TTC28: variants seen among roughly 807,000 people sequenced by gnomAD.
TTC28 encodes the protein tetratricopeptide repeat protein 28.
A neutral mutation model predicts 198.0 loss-of-function variants in TTC28; 61 were observed. That is an observed-to-expected ratio of 0.31 (90% CI 0.25 to 0.38). The LOEUF is 0.38. Among genes scored for constraint, TTC28 ranks in the 10% least tolerant of loss-of-function variants. TTC28 has a pLI of 1.00. For synonymous variants in TTC28, 1,171 were observed against 1,297.8 expected, an observed-to-expected ratio of 0.90 and a Z score of 2.10; for missense variants, 2,678 against 3,164.0, an observed-to-expected ratio of 0.85 and a Z score of 3.69.
rs529995982 is a variant in TTC28, at chr22:28,213,939, C to T, written c.934-50340G>A. 1.1e-4 allele frequency among the ~76,000 whole-genome samples: 17 copies of T among 152,188 alleles called. No individual in the cohort carries two copies. In the East Asian group the frequency reaches 3.1e-3, roughly 28 times the overall value. On this transcript the variant is annotated intron_variant, in intron 5 of 22. Transcript: ENST00000397906. ...ACTGGTACCAAAACAGAGATATAGACCAATGGAACAGAACAGAGCCCTCAG... is the reference window on the plus strand; with the variant it reads ...ACTGGTACCAAAACAGAGATATAGATCAATGGAACAGAACAGAGCCCTCAG...
At chr22:28,274,352 A>C (rs758855107) in intron 5 of TTC28, among the ~76,000 whole-genome samples, 54 of 152,230 alleles carry the variant, frequency 3.5e-4, no homozygotes, top group African/African-American at 1.3e-3. Flanking sequence ...TTAAACTGCA[A>C]ATTCATTTTA....
intron 2 of TTC28, among the ~76,000 whole-genome samples, chr22:28,451,463 A>G (rs1279996791): frequency 6.6e-6 from 1 of 152,250 alleles, no homozygotes; most frequent in Non-Finnish European, 1.5e-5. Flanking sequence ...CACAGGTGTT[A>G]GCCTGAAAAT....
In TTC28 at chr22:28,306,570, C is replaced by A. The variant is rs1315911425; in HGVS notation, c.455G>T (p.Gly152Val). 1 of 1,551,542 alleles carries A rather than the reference C, an allele frequency of 6.4e-7. No homozygotes were observed. The highest frequency in any genetic ancestry group is 8.7e-7 in the Non-Finnish European group (1 of 1,146,960). ...HADALAAFAS[G>V]LAQDPKSLQL... ...GAGACTCTTGGGGTCTTGAGCCAGT[C>A]CAGATGCAAAGGCTGCCAGGGCATC... Residue 152 changes from glycine (G) to valine (V), a missense_variant, in exon 3 of 23, where the codon GGA becomes GTA. Coordinates refer to ENST00000397906, the MANE Select transcript of TTC28 (RefSeq NM_001145418.2).
intron 5 of TTC28, among the ~76,000 whole-genome samples, chr22:28,243,585 A>G (rs1929851710): frequency 6.6e-6 from 1 of 152,096 alleles, no homozygotes; most frequent in South Asian, 2.1e-4. Flanking sequence ...CAGACTACAG[A>G]GCTAGATAAA....
At chr22:28,015,904 A>G (rs986456828) in intron 13 of TTC28, among the ~76,000 whole-genome samples, 1 of 151,514 alleles carries the variant, frequency 6.6e-6, no homozygotes, top group Non-Finnish European at 1.5e-5. Flanking sequence ...AAAAGCACAG[A>G]AGGCTGCTCC....
chr22:28,312,013 A>T (rs1302300051), intron 2 of TTC28, among the ~76,000 whole-genome samples: 1 of 151,160 alleles, frequency 6.6e-6, no homozygotes, highest in Non-Finnish European at 1.5e-5. Context: ...ATGGAGGAAG[A>T]TCTACCAAGC....
intron 2 of TTC28, among the ~76,000 whole-genome samples, chr22:28,544,555 C>T (rs1033575200): frequency 1.3e-5 from 2 of 152,150 alleles, no homozygotes; most frequent in Non-Finnish European, 2.9e-5. Flanking sequence ...TAAAATAAGG[C>T]TATGACCGGC....
At chr22:27,996,874 G>A (rs1331215105) in intron 16 of TTC28, among the ~76,000 whole-genome samples, 2 of 152,182 alleles carry the variant, frequency 1.3e-5, no homozygotes, top group East Asian at 3.9e-4. Context: ...GTTTTTAAAG[G>A]TAACAAGAGA....
intron 2 of TTC28, among the ~76,000 whole-genome samples, chr22:28,366,714 A>G (rs2046252819): frequency 1.3e-5 from 2 of 152,102 alleles, no homozygotes; most frequent in Admixed American, 6.6e-5. Context: ...ACCTATAAAG[A>G]TACACATAGA....
At chr22:28,477,899 A>G (rs190541693) in intron 2 of TTC28, among the ~76,000 whole-genome samples, 96 of 152,328 alleles carry the variant, frequency 6.3e-4, no homozygotes, top group Non-Finnish European at 3.2e-4. Context: ...AGTCAGTCCA[A>G]TTGAAGCCCA....
In TTC28 at chr22:27,981,229, A is replaced by ATTTTTTTTTTTTTTTTTTTTTT. The variant is rs1937001603; in HGVS notation, c.*991_*992insAAAAAAAAAAAAAAAAAAAAAA. 2 of 72,686 alleles carry ATTTTTTTTTTTTTTTTTTTTTT rather than the reference A, an allele frequency of 2.8e-5. No homozygotes were observed. Among genetic ancestry groups the ATTTTTTTTTTTTTTTTTTTTTT allele is most frequent in the African/African-American group, 9.8e-5 (2 of 20,420 alleles). 4.5% of individuals were successfully genotyped at this position (72,686 alleles called of 1,614,324 possible). ...CTGGTTAAATCTAGTTAGCCATGGA[A>ATTTTTTTTTTTTTTTTTTTTTT]ATTTTTTTTTTTTTTTTTTTTTTTT... On this transcript the variant is annotated 3_prime_UTR_variant, in exon 23 of 23. Transcript: ENST00000397906.
intron 6 of TTC28, among the ~76,000 whole-genome samples, chr22:28,122,214 C>T (rs748276897): frequency 6.6e-6 from 1 of 152,054 alleles, no homozygotes; most frequent in Non-Finnish European, 1.5e-5. Context: ...TTTACTTATT[C>T]GAATGAGTCA....
chr22:28,671,107 A>AT (rs940039796), intron 1 of TTC28, among the ~76,000 whole-genome samples: 2 of 151,372 alleles, frequency 1.3e-5, no homozygotes, highest in African/African-American at 4.9e-5. Flanking sequence ...ACGGGCTAAC[A>AT]TTTTTTTCTA....
At chr22:28,026,359 C>T (rs1329953479) in intron 13 of TTC28, among the ~76,000 whole-genome samples, 2 of 152,142 alleles carry the variant, frequency 1.3e-5, no homozygotes, top group Non-Finnish European at 2.9e-5. Flanking sequence ...CAGTAAGGTG[C>T]TGGGCCCATG....
chr22:28,125,415 G>A lies in TTC28; in HGVS notation c.1442-17012C>T, dbSNP rs547587675. ...ATCAGGGATAAAAGATGATGAACAC[G>A]GCTTCCTGCTCACAACCTCAAGGCA... On this transcript the variant is annotated intron_variant, in intron 6 of 22. Transcript: ENST00000397906. Among the ~76,000 whole-genome samples, 54 of 152,262 alleles carry A rather than the reference G, an allele frequency of 3.5e-4. No individual in the cohort carries two copies. The South Asian group carries it at 0.011, about 30-fold the overall frequency.
chr22:28,558,589 C>T (rs1360186942), intron 2 of TTC28, among the ~76,000 whole-genome samples: 2 of 152,016 alleles, frequency 1.3e-5, no homozygotes, highest in African/African-American at 4.8e-5. Flanking sequence ...GCAGGAGAAT[C>T]GCTTGAACCC....
chr22:28,468,109 A>C (rs2048049086), intron 2 of TTC28, among the ~76,000 whole-genome samples: 1 of 152,070 alleles, frequency 6.6e-6, no homozygotes, highest in Non-Finnish European at 1.5e-5. Context: ...AATAAGGTAC[A>C]AAGTAAGAAT....
intron 2 of TTC28, among the ~76,000 whole-genome samples, chr22:28,468,068 T>C (rs1290234617): frequency 6.6e-6 from 1 of 152,156 alleles, no homozygotes; most frequent in East Asian, 1.9e-4. Context: ...CCACTGTGCC[T>C]GGCCCATAAG....
chr22:28,583,996 T>C (rs929427880), intron 2 of TTC28, among the ~76,000 whole-genome samples: 2 of 148,786 alleles, frequency 1.3e-5, no homozygotes, highest in Non-Finnish European at 3.0e-5. Context: ...TTTTTTTTTG[T>C]TTTGTTTTTG....
Sources: allele counts gnomAD v4.1 joint callset (sites outside exome capture counted in the v4.1 genomes callset), GRCh38; gene constraint gnomAD v4.1.1; transcripts MANE v1.5; gene names NCBI Gene and HGNC (gene_info 2026-07-23, HGNC 2026-07-21).